Variants in CTNND2 observed in about 807,000 individuals in gnomAD.
CTNND2 encodes the protein catenin delta-2.
A neutral mutation model predicts 144.4 loss-of-function variants in CTNND2; 22 were observed. That is an observed-to-expected ratio of 0.15 (90% CI 0.11 to 0.22). CTNND2 has a LOEUF of 0.22. CTNND2 is among the 10% of genes least tolerant of loss of function. CTNND2 has a pLI of 1.00. For missense variants in CTNND2, 1,353 were observed against 1,618.8 expected (o/e 0.84, Z 2.82); for synonymous variants, 751 against 695.6 (o/e 1.08, Z -1.25).
chr5:11,745,833 T>C (rs1473245056), intron 1 of CTNND2, among the ~76,000 whole-genome samples: 3 of 152,176 alleles, frequency 2.0e-5, no homozygotes, highest in Non-Finnish European at 2.9e-5. Flanking sequence ...TAAACAGAGG[T>C]TTCCAAACTT....
At chr5:11,758,241 T>G (rs1789060386) in intron 1 of CTNND2, among the ~76,000 whole-genome samples, 1 of 151,928 alleles carries the variant, frequency 6.6e-6, no homozygotes, top group African/African-American at 2.4e-5. Flanking sequence ...TGATACATAA[T>G]TGTATACATT....
At chr5:11,753,045 C>T (rs1788714893) in intron 1 of CTNND2, among the ~76,000 whole-genome samples, 1 of 151,804 alleles carries the variant, frequency 6.6e-6, no homozygotes. Context: ...TGAAACTTTG[C>T]TAAAGTTGTT....
At chr5:11,747,874 C>A (rs1788399102) in intron 1 of CTNND2, among the ~76,000 whole-genome samples, 2 of 152,078 alleles carry the variant, frequency 1.3e-5, no homozygotes, top group Non-Finnish European at 2.9e-5. Flanking sequence ...TTGAAAGTGT[C>A]CACTCAAATT....
chr5:10,982,752 G>A (rs1475268936), intron 20 of CTNND2, among the ~76,000 whole-genome samples: 1 of 152,210 alleles, frequency 6.6e-6, no homozygotes, highest in Non-Finnish European at 1.5e-5. Context: ...CAACCCAAGT[G>A]TCCACCAACA....
chr5:11,023,533 T>C (rs2149540132), intron 16 of CTNND2, among the ~76,000 whole-genome samples: 1 of 152,292 alleles, frequency 6.6e-6, no homozygotes, highest in East Asian at 1.9e-4. Flanking sequence ...AGTACTGAGC[T>C]TTGATTCATT....
rs1051482508 is a variant in CTNND2 at position 11,131,788 on chromosome 5, C to CA, written c.2160-14222dup. 4.1e-3 allele frequency among the ~76,000 whole-genome samples: 565 copies of CA among 138,758 alleles called. 1 individual carries two copies. The highest frequency in any genetic ancestry group is 0.012 in the African/African-American group (463 of 38,110). The allele number at this position is 138,758 out of a possible 152,430, so 91.0% of individuals were successfully genotyped here. A position where few individuals can be genotyped will look rare whatever the true frequency, so the allele number is the denominator to read the frequency against. On this transcript the variant is annotated intron_variant, in intron 12 of 21. Coordinates refer to ENST00000304623, the MANE Select transcript of CTNND2 (RefSeq NM_001332.4). ...TGGGCGATAGAGCGAGACTGCGTCT[C>CA]AAAAAAAAAAACAAAAAACTTCCAA...
At chr5:11,497,510 G>C (rs1309466852) in intron 3 of CTNND2, among the ~76,000 whole-genome samples, 2 of 86,112 alleles carry the variant, frequency 2.3e-5, no homozygotes, top group Admixed American at 2.1e-4. Context: ...AGAATGATGT[G>C]CGGGGGGGTG....
At chr5:11,761,652 C>T (rs962300683) in intron 1 of CTNND2, among the ~76,000 whole-genome samples, 1 of 152,070 alleles carries the variant, frequency 6.6e-6, no homozygotes, top group African/African-American at 2.4e-5. Context: ...ATTAGAGTTG[C>T]TACCTACTGA....
intron 5 of CTNND2, among the ~76,000 whole-genome samples, chr5:11,397,457 C>G (rs1760253151): frequency 6.6e-6 from 1 of 151,874 alleles, no homozygotes; most frequent in African/African-American, 2.4e-5. Flanking sequence ...CTCATCCTGA[C>G]CTACATAGAG....
chr5:11,845,308 TA>T lies in CTNND2; in HGVS notation c.37+58508del, dbSNP rs546450399. On this transcript the variant is annotated intron_variant, in intron 1 of 21. Coordinates refer to ENST00000304623, the MANE Select transcript of CTNND2 (RefSeq NM_001332.4). ...TAATAACTATTTTTAAATGAAAAAG[TA>T]AATCTCATCTACTCCATGGTGGCTG... Among the ~76,000 whole-genome samples the T allele has an allele frequency of 5.9e-5, 9 of 152,328 alleles. No individual in the cohort carries two copies. The East Asian group carries it at 1.7e-3, about 29-fold the overall frequency.
At chr5:11,848,473 A>G (rs1794852243) in intron 1 of CTNND2, among the ~76,000 whole-genome samples, 1 of 152,192 alleles carries the variant, frequency 6.6e-6, no homozygotes, top group Admixed American at 6.5e-5. Flanking sequence ...ATTACTACCC[A>G]TAACGTGAAT....
intron 9 of CTNND2, among the ~76,000 whole-genome samples, chr5:11,301,632 A>G (rs919950277): frequency 3.9e-5 from 6 of 152,188 alleles, no homozygotes; most frequent in Non-Finnish European, 7.3e-5. Flanking sequence ...AGAAGAAATT[A>G]CATTTTAAAA....
At chr5:11,818,587 C>T (rs1239136357) in intron 1 of CTNND2, among the ~76,000 whole-genome samples, 2 of 152,094 alleles carry the variant, frequency 1.3e-5, no homozygotes, top group East Asian at 1.9e-4. Flanking sequence ...AGACTGGTCT[C>T]GAACTCCTGA....
At chr5:11,496,314 T>C (rs1769936485) in intron 3 of CTNND2, among the ~76,000 whole-genome samples, 1 of 152,192 alleles carries the variant, frequency 6.6e-6, no homozygotes, top group Non-Finnish European at 1.5e-5. Context: ...TCACTGCCTG[T>C]CAGCACATGC....
chr5:11,093,224 A>G (rs1213986802), intron 15 of CTNND2, among the ~76,000 whole-genome samples: 2 of 152,240 alleles, frequency 1.3e-5, no homozygotes, highest in Non-Finnish European at 2.9e-5. Flanking sequence ...AAGTACAGAT[A>G]TATTTCTACA....
At chr5:11,423,352 G>A (rs1320218435) in intron 3 of CTNND2, among the ~76,000 whole-genome samples, 2 of 152,230 alleles carry the variant, frequency 1.3e-5, no homozygotes, top group African/African-American at 2.4e-5. Context: ...AGAGCTCACT[G>A]CATCTCTCAG....
At chr5:11,451,314 C>G (rs574645913) in intron 3 of CTNND2, among the ~76,000 whole-genome samples, 1 of 152,058 alleles carries the variant, frequency 6.6e-6, no homozygotes, top group South Asian at 2.1e-4. Context: ...CCAACATTAC[C>G]CTATTGTACC....
At chr5:11,332,798 G>A (rs772217104) in intron 9 of CTNND2, among the ~76,000 whole-genome samples, 10 of 152,202 alleles carry the variant, frequency 6.6e-5, no homozygotes, top group Non-Finnish European at 1.5e-4. Flanking sequence ...ATTCCCACGT[G>A]TCATGGGAGG....
At chr5:11,430,829 A>T (rs535841563) in intron 3 of CTNND2, among the ~76,000 whole-genome samples, 2 of 152,332 alleles carry the variant, frequency 1.3e-5, no homozygotes, top group East Asian at 3.9e-4. Context: ...TGGAAAATGC[A>T]ATCTTAGTTT....
Sources: gnomAD v4.1 joint callset for allele counts (sites outside exome capture counted in the v4.1 genomes callset) on GRCh38, gnomAD v4.1.1 for gene constraint, MANE v1.5 for transcripts, NCBI Gene and HGNC (gene_info 2026-07-23, HGNC 2026-07-21) for gene names.